Variants in SLAIN1 observed in about 807,000 individuals in gnomAD.
SLAIN1 encodes SLAIN family member 1, also known as SLAIN motif-containing protein 1.
A neutral mutation model predicts 55.4 loss-of-function variants in SLAIN1; 17 were observed. That is an observed-to-expected ratio of 0.31 (90% CI 0.21 to 0.46). The LOEUF (loss-of-function observed/expected upper bound fraction) is 0.46, where lower values mean the gene tolerates loss of function less well. Among genes scored for constraint, SLAIN1 ranks in the 20% least tolerant of loss-of-function variants. The probability of loss-of-function intolerance (pLI) is 1.00; values close to 1 mark genes in which losing one functional copy is unlikely to be tolerated. For synonymous variants in SLAIN1, 348 were observed against 337.4 expected (o/e 1.03, Z -0.35); for missense variants, 682 against 785.1 (o/e 0.87, Z 1.57).
intron 5 of SLAIN1, among the ~76,000 whole-genome samples, chr13:77,757,194 T>G (rs1004658074): frequency 8.5e-5 from 13 of 152,112 alleles, no homozygotes; most frequent in African/African-American, 2.9e-4. Context: ...ATTAACATCT[T>G]GTGTTAGTGC....
At chr13:77,706,458 A>G (rs1264721503) in intron 1 of SLAIN1, among the ~76,000 whole-genome samples, 1 of 152,146 alleles carries the variant, frequency 6.6e-6, no homozygotes, top group Admixed American at 6.6e-5. Context: ...GGAGCCATAA[A>G]ATCCCTCATT....
intron 2 of SLAIN1, among the ~76,000 whole-genome samples, chr13:77,722,295 C>A (rs1329183127): frequency 6.6e-6 from 1 of 152,034 alleles, no homozygotes; most frequent in Non-Finnish European, 1.5e-5. Flanking sequence ...GATCCATAAT[C>A]CATAATCCTG....
At chr13:77,732,495 ATC>A (rs1356622242) in intron 2 of SLAIN1, among the ~76,000 whole-genome samples, 2 of 149,676 alleles carry the variant, frequency 1.3e-5, no homozygotes, top group African/African-American at 4.9e-5. Context: ...GCCGTCTGTA[ATC>A]TGTTTGACAA....
chr13:77,697,798 C>A lies in SLAIN1; in HGVS notation c.-116C>A. Reference sequence around the variant, plus strand: ...ACCGCCGGCTCGGCCTCAGCCCGCGCGTGGTCGGCCCCCCAGGCCGGGGCG... The same window carrying A: ...ACCGCCGGCTCGGCCTCAGCCCGCGAGTGGTCGGCCCCCCAGGCCGGGGCG... On this transcript the variant is annotated 5_prime_UTR_variant, in exon 1 of 7. Coordinates refer to ENST00000418532, the MANE Select transcript of SLAIN1 (RefSeq NM_001242868.2). 1 of 1,090,508 alleles carries A rather than the reference C, an allele frequency of 9.2e-7. No individual in the cohort carries two copies. The highest frequency in any genetic ancestry group is 1.1e-6 in the Non-Finnish European group (1 of 879,130). The allele number at this position is 1,090,508 out of a possible 1,614,324, so 67.6% of individuals were successfully genotyped here. A position where few individuals can be genotyped will look rare whatever the true frequency, so the allele number is the denominator to read the frequency against.
chr13:77,740,729 TTGAAAAAG>T (rs1873381272), intron 2 of SLAIN1, among the ~76,000 whole-genome samples: 2 of 152,052 alleles, frequency 1.3e-5, no homozygotes, highest in African/African-American at 4.8e-5. Context: ...AGATAATTGG[TTGAAAAAG>T]ATAAAATTGC....
chr13:77,702,169 G>T (rs144993567), intron 1 of SLAIN1, among the ~76,000 whole-genome samples: 5 of 151,374 alleles, frequency 3.3e-5, no homozygotes, highest in African/African-American at 7.3e-5. Flanking sequence ...GTCTATCATT[G>T]TTGGACATTT....
intron 1 of SLAIN1, among the ~76,000 whole-genome samples, chr13:77,702,949 A>C (rs2091045705): frequency 6.6e-6 from 1 of 152,176 alleles, no homozygotes; most frequent in African/African-American, 2.4e-5. Flanking sequence ...ATACTGTTTG[A>C]AAGCAAAACG....
At chr13:77,735,109 T>C (rs113785197) in intron 2 of SLAIN1, among the ~76,000 whole-genome samples, 1 of 152,158 alleles carries the variant, frequency 6.6e-6, no homozygotes, top group African/African-American at 2.4e-5. Context: ...TTAAAAAAAG[T>C]ATTACCATTT....
chr13:77,700,432 A>C (rs925818848), intron 1 of SLAIN1, among the ~76,000 whole-genome samples: 2 of 152,170 alleles, frequency 1.3e-5, no homozygotes, highest in African/African-American at 4.8e-5. Flanking sequence ...ATCTTCCTGA[A>C]AACAAGCCTG....
At chr13:77,756,348 A>T (rs1874606787) in intron 5 of SLAIN1, among the ~76,000 whole-genome samples, 1 of 152,076 alleles carries the variant, frequency 6.6e-6, no homozygotes, top group Non-Finnish European at 1.5e-5. Context: ...TTAATATGTA[A>T]TAGTCCTCCA....
At chr13:77,711,900 G>A (rs905072597) in intron 1 of SLAIN1, among the ~76,000 whole-genome samples, 4 of 152,100 alleles carry the variant, frequency 2.6e-5, no homozygotes, top group African/African-American at 7.2e-5. Context: ...CTTCATCCCC[G>A]GGATGCAGGG....
chr13:77,743,214 T>C (rs1163873704), intron 2 of SLAIN1: 1 of 1,236,204 alleles, frequency 8.1e-7, no homozygotes, highest in East Asian at 5.7e-5. Context: ...ATTCAGTTAC[T>C]AAACACGGCT....
intron 5 of SLAIN1, among the ~76,000 whole-genome samples, chr13:77,760,260 G>T (rs1329751139): frequency 6.6e-6 from 1 of 152,082 alleles, no homozygotes; most frequent in East Asian, 1.9e-4. Flanking sequence ...ATTTTTAAGG[G>T]TTCTTATCCA....
chr13:77,762,929 A>G (rs1363124236), intron 6 of SLAIN1, among the ~76,000 whole-genome samples: 1 of 152,208 alleles, frequency 6.6e-6, no homozygotes, highest in Admixed American at 6.5e-5. Context: ...TTGTGCAAAT[A>G]CAACATGCAT....
intron 2 of SLAIN1, among the ~76,000 whole-genome samples, chr13:77,734,289 A>G (rs902143529): frequency 6.6e-6 from 1 of 152,096 alleles, no homozygotes; most frequent in African/African-American, 2.4e-5. Flanking sequence ...TGTTTCCTTT[A>G]CCTTCACTGA....
chr13:77,752,111 C>T (rs1351845017), intron 4 of SLAIN1, among the ~76,000 whole-genome samples: 1 of 152,008 alleles, frequency 6.6e-6, no homozygotes, highest in Admixed American at 6.6e-5. Context: ...TCTTTTTTAT[C>T]TGCAAACATT....
chr13:77,761,043 C>G lies in SLAIN1; in HGVS notation c.1630C>G (p.Pro544Ala). The change falls in exon 6 of 7, where the codon CCA becomes GCA. Residue 544 changes from proline (P) to alanine (A), a missense_variant. Pro to Ala is a conservative substitution (Grantham distance 27). This residue lies in a region of SLAIN1 where 244 missense variants were observed against 295.2 expected (regional missense o/e 0.83). Transcript: ENST00000418532. Reference sequence around the variant, plus strand: ...TGGGATAATGGGTCGCAGTGCACTCCCAAGACCTTCGTTGGCAATAAATGG... The same window carrying G: ...TGGGATAATGGGTCGCAGTGCACTCGCAAGACCTTCGTTGGCAATAAATGG... ...ASGIMGRSAL[P>A]RPSLAINGSN... 2 of 1,614,166 alleles carry G rather than the reference C, an allele frequency of 1.2e-6. No homozygotes were observed. The highest frequency in any genetic ancestry group is 1.1e-5 in the South Asian group (1 of 91,086).
At position 77,698,926 on chromosome 13, in the gene SLAIN1, G is replaced by A; in HGVS notation, c.626+387G>A. 3 of 1,533,822 alleles carry A rather than the reference G, an allele frequency of 2.0e-6. No homozygotes were observed. The highest frequency in any genetic ancestry group is 2.6e-6 in the Non-Finnish European group (3 of 1,146,592). The stretch of plus-strand genomic sequence containing the variant: ...TGTTTTCGGAGGGATGACGGGGGAT[G>A]GTAGGGGTTGGCCTCTGTCTGCGAC... On this transcript the variant is annotated intron_variant, in intron 1 of 6. Transcript: ENST00000418532. The surrounding 1 kb of genome is among the most constrained non-coding windows in gnomAD (Gnocchi z 4.1).
At chr13:77,728,981 G>A (rs1303191030) in intron 2 of SLAIN1, among the ~76,000 whole-genome samples, 1 of 152,228 alleles carries the variant, frequency 6.6e-6, no homozygotes, top group Non-Finnish European at 1.5e-5. Context: ...TTTTTGTGCA[G>A]AGACAGGGTC....
Sources: gnomAD v4.1 joint callset for allele counts (sites outside exome capture counted in the v4.1 genomes callset) on GRCh38, gnomAD v4.1.1 for gene constraint, gnomAD v4.1.1 regional missense constraint, Gnocchi (gnomAD v3.1) non-coding constraint, MANE v1.5 for transcripts, NCBI Gene and HGNC (gene_info 2026-07-23, HGNC 2026-07-21) for gene names.